The following SIDT1 variants were observed in gnomAD, a reference collection of about 807,000 sequenced individuals.
SIDT1 encodes SID1 transmembrane family, member 1.
In SIDT1, 101 loss-of-function variants were observed where a neutral mutation model predicts 107.5. The ratio of observed to expected loss-of-function variants is 0.94; its 90% CI spans 0.80 to 1.11. The LOEUF (loss-of-function observed/expected upper bound fraction) is 1.11. Ranked by LOEUF, SIDT1 falls within the 50% of genes least tolerant of loss-of-function variation. SIDT1 has a pLI of 0.00. For synonymous variants in SIDT1, 395 were observed against 398.2 expected, an observed-to-expected ratio of 0.99 and a Z score of 0.10; for missense variants, 1,076 against 1,058.2, an observed-to-expected ratio of 1.02 and a Z score of -0.23.
At chr3:113,571,950 A>G (rs559311733) in intron 3 of SIDT1, among the ~76,000 whole-genome samples, 2 of 152,282 alleles carry the variant, frequency 1.3e-5, no homozygotes, top group South Asian at 4.1e-4. Flanking sequence ...CACACAAAAA[A>G]AATTAAACAG....
downstream of SIDT1, among the ~76,000 whole-genome samples, chr3:113,633,419 C>T (rs766846646): frequency 2.0e-5 from 3 of 152,004 alleles, no homozygotes; most frequent in South Asian, 2.1e-4. Flanking sequence ...AACTGAGATG[C>T]GGCAAGAATA....
At chr3:113,631,751 A>G (rs1947096610), downstream of SIDT1, among the ~76,000 whole-genome samples, 1 of 152,162 alleles carries the variant, frequency 6.6e-6, no homozygotes, top group Non-Finnish European at 1.5e-5. Context: ...ACCTGTCCTC[A>G]ATGAACTCCA....
At chr3:113,612,004 T>C in intron 18 of SIDT1, 82 bp from the exon 19 acceptor site, 1 of 984,752 alleles carries the variant, frequency 1.0e-6, no homozygotes, top group Non-Finnish European at 1.6e-6. Context: ...TTTGACTCCT[T>C]ACACATACAG....
Position 113,623,192 on chromosome 3 carries a change from TAAAAAAAAAAAAAAA to T in SIDT1, c.2091-220_2091-206del, listed in dbSNP as rs61454117. ...AGTGAGGGAATGAGACCCCAACTCT[TAAAAAAAAAAAAAAA>T]AAAAAAAAAAAAAAGATACTTATAT... On this transcript the variant is annotated intron_variant, in intron 21 of 24. Coordinates refer to ENST00000264852, the MANE Select transcript of SIDT1 (RefSeq NM_017699.3). 3.7e-4 allele frequency among the ~76,000 whole-genome samples: 20 copies of T among 53,852 alleles called. No individual in the cohort carries two copies. The Admixed American group carries it at 4.1e-3, about 11-fold the overall frequency. The allele number at this position is 53,852 out of a possible 152,430, so 35.3% of individuals were successfully genotyped here.
At position 113,550,369 on chromosome 3, in the gene SIDT1, C is replaced by G. The variant is rs111371264; in HGVS notation, c.223-16051C>G. 7.7e-3 allele frequency among the ~76,000 whole-genome samples: 1,167 copies of G among 152,246 alleles called. 13 individuals are homozygous for G. The highest frequency in any genetic ancestry group is 0.018 in the African/African-American group (752 of 41,524). On this transcript the variant is annotated intron_variant, in intron 1 of 24. Coordinates refer to ENST00000264852, the MANE Select transcript of SIDT1 (RefSeq NM_017699.3). ...TGTTCTTTACGTTCTGATTCAGAGC[C>G]ATAACGAATAATCTCAGGTGCTAGA...
At chr3:113,635,410 C>T in the SIDT1 span, among the ~76,000 whole-genome samples, 15 of 152,322 alleles carry the variant, frequency 9.8e-5, 1 homozygote, top group African/African-American at 3.1e-4. Context: ...TCCAAAGCTG[C>T]CTCCAAAACC....
intron 1 of SIDT1, among the ~76,000 whole-genome samples, chr3:113,537,258 T>C (rs567729066): frequency 2.6e-5 from 4 of 152,332 alleles, no homozygotes; most frequent in East Asian, 1.9e-4. Context: ...ACATATATTA[T>C]ACTTTTCCAT....
chr3:113,613,465 T>C (rs1945893541), intron 19 of SIDT1, among the ~76,000 whole-genome samples: 1 of 152,238 alleles, frequency 6.6e-6, no homozygotes, highest in Non-Finnish European at 1.5e-5. Context: ...CATAAACAAA[T>C]GGCTTTAAGA....
intron 10 of SIDT1, among the ~76,000 whole-genome samples, chr3:113,597,166 G>T (rs528778485): frequency 6.6e-6 from 1 of 152,028 alleles, no homozygotes; most frequent in South Asian, 2.1e-4. Flanking sequence ...GAAACAAAAC[G>T]TGACACTAAG....
At chr3:113,546,217 A>G (rs1049709844) in intron 1 of SIDT1, among the ~76,000 whole-genome samples, 1 of 152,176 alleles carries the variant, frequency 6.6e-6, no homozygotes, top group African/African-American at 2.4e-5. Context: ...TTGAAGCATT[A>G]AGAGTCATTG....
chr3:113,623,991 C>G (rs1392211504), intron 23 of SIDT1, among the ~76,000 whole-genome samples: 1 of 152,240 alleles, frequency 6.6e-6, no homozygotes, highest in Non-Finnish European at 1.5e-5. Context: ...CGACGCTGGT[C>G]CCAGTGGATG....
intron 1 of SIDT1, among the ~76,000 whole-genome samples, chr3:113,540,305 C>T (rs1195231698): frequency 6.6e-6 from 1 of 152,132 alleles, no homozygotes; most frequent in Non-Finnish European, 1.5e-5. Flanking sequence ...ATTAGGTCCC[C>T]ACCTTCAACA....
chr3:113,634,349 A>C (rs989778308), downstream of SIDT1, among the ~76,000 whole-genome samples: 1 of 152,162 alleles, frequency 6.6e-6, no homozygotes, highest in African/African-American at 2.4e-5. Flanking sequence ...GTTTGGCATA[A>C]CTGGTCATTA....
chr3:113,584,555 A>G, intron 7 of SIDT1, 143 bp from the exon 8 acceptor site: 1 of 609,564 alleles, frequency 1.6e-6, no homozygotes, highest in Non-Finnish European at 2.8e-6. Context: ...GGGGTTACAT[A>G]TTCCTCCAGT....
At chr3:113,544,735 G>A (rs1939381488) in intron 1 of SIDT1, among the ~76,000 whole-genome samples, 1 of 152,134 alleles carries the variant, frequency 6.6e-6, no homozygotes, top group Admixed American at 6.5e-5. Context: ...CCTATTACTA[G>A]TATGGTTAAC....
At chr3:113,592,142 G>T (rs1944205552) in intron 9 of SIDT1, among the ~76,000 whole-genome samples, 1 of 152,158 alleles carries the variant, frequency 6.6e-6, no homozygotes, top group African/African-American at 2.4e-5. Flanking sequence ...ATGGGGAGTG[G>T]GGAATGGGGA....
chr3:113,606,948 A>T, intron 14 of SIDT1, 93 bp from the exon 15 acceptor site: 3 of 788,756 alleles, frequency 3.8e-6, no homozygotes, highest in Non-Finnish European at 6.8e-6. Flanking sequence ...GTGACAGTGC[A>T]TCTCCGTGAG....
intron 1 of SIDT1, among the ~76,000 whole-genome samples, chr3:113,549,033 T>C (rs1173406717): frequency 1.3e-5 from 2 of 152,186 alleles, no homozygotes; most frequent in Admixed American, 1.3e-4. Context: ...TTCTTCTACA[T>C]AGCAAAATGT....
chr3:113,567,926 A>G lies in SIDT1; in HGVS notation c.515+216A>G, dbSNP rs895898433. The G allele has an allele frequency of 9.1e-5, 42 of 462,694 alleles. No homozygotes were observed. The East Asian group carries it at 1.5e-3, about 16-fold the overall frequency. The allele number at this position is 462,694 out of a possible 1,614,324, so 28.7% of individuals were successfully genotyped here. On this transcript the variant is annotated intron_variant, in intron 3 of 24. Coordinates refer to ENST00000264852, the MANE Select transcript of SIDT1 (RefSeq NM_017699.3). ...AGAAGGTAAGAGTGGTTGACCTCAC[A>G]GGTGAATCTGTTTTCAGGGATCAGT...
Sources: gnomAD v4.1 joint callset for allele counts (sites outside exome capture counted in the v4.1 genomes callset) on GRCh38, gnomAD v4.1.1 for gene constraint, MANE v1.5 for transcripts, NCBI Gene and HGNC (gene_info 2026-07-23, HGNC 2026-07-21) for gene names.